Variants in GRM7 observed in about 807,000 individuals in gnomAD.
GRM7 encodes the protein glutamate metabotropic receptor 7, also known as metabotropic glutamate receptor 7.
A neutral mutation model predicts 84.5 loss-of-function variants in GRM7; 35 were observed. That is an observed-to-expected ratio of 0.41 (90% CI 0.32 to 0.55). The LOEUF (loss-of-function observed/expected upper bound fraction) is 0.55, where lower values mean the gene tolerates loss of function less well. Among genes scored for constraint, GRM7 ranks in the 20% least tolerant of loss-of-function variants. GRM7 has a pLI of 0.19. For missense variants in GRM7, 1,003 were observed against 1,194.6 expected, an observed-to-expected ratio of 0.84 and a Z score of 2.36; for synonymous variants, 487 against 455.1, an observed-to-expected ratio of 1.07 and a Z score of -0.89.
chr3:7,536,261 T>A (rs1434806760), intron 7 of GRM7, among the ~76,000 whole-genome samples: 1 of 152,136 alleles, frequency 6.6e-6, no homozygotes, highest in Non-Finnish European at 1.5e-5. Flanking sequence ...GGTAAGATAA[T>A]GAACAACAGA....
At chr3:6,987,940 C>A (rs1482395141) in intron 1 of GRM7, among the ~76,000 whole-genome samples, 2 of 150,980 alleles carry the variant, frequency 1.3e-5, no homozygotes, top group Non-Finnish European at 2.9e-5. Context: ...AGACTCTCTG[C>A]ATGAACTGTC....
chr3:7,185,768 A>T (rs567585197), intron 2 of GRM7, among the ~76,000 whole-genome samples: 1 of 152,186 alleles, frequency 6.6e-6, no homozygotes, highest in Non-Finnish European at 1.5e-5. Flanking sequence ...CAAACTGTTG[A>T]GGAGATTCTG....
chr3:7,207,717 G>A (rs1011290833), intron 2 of GRM7, among the ~76,000 whole-genome samples: 25 of 152,218 alleles, frequency 1.6e-4, no homozygotes, highest in Non-Finnish European at 3.1e-4. Context: ...TGTGTAGGAT[G>A]TGAGACTCTG....
chr3:7,320,282 C>A (rs563942535), intron 4 of GRM7, among the ~76,000 whole-genome samples: 70 of 151,822 alleles, frequency 4.6e-4, no homozygotes, highest in Non-Finnish European at 8.8e-4. Context: ...GCATACAAAT[C>A]TATTTAATAA....
chr3:7,642,406 A>C (rs1313995725), intron 8 of GRM7, among the ~76,000 whole-genome samples: 1 of 152,228 alleles, frequency 6.6e-6, no homozygotes, highest in African/African-American at 2.4e-5. Context: ...GAAATATTTC[A>C]ACTATTCTCA....
At chr3:7,393,980 A>G (rs1432449431) in intron 4 of GRM7, among the ~76,000 whole-genome samples, 1 of 152,178 alleles carries the variant, frequency 6.6e-6, no homozygotes, top group African/African-American at 2.4e-5. Flanking sequence ...GGCACTCTGT[A>G]TGTATTTTAC....
At chr3:7,312,936 C>CTTTTTT (rs372557190) in intron 4 of GRM7, among the ~76,000 whole-genome samples, 4 of 127,248 alleles carry the variant, frequency 3.1e-5, no homozygotes, top group Admixed American at 8.0e-5. Flanking sequence ...TTCTTTTTTT[C>CTTTTTT]TTTTTTTTTT....
Position 7,610,206 on chromosome 3 carries a change from T to G in GRM7, c.2451+30849T>G, listed in dbSNP as rs1275580497. Among the ~76,000 whole-genome samples the G allele has an allele frequency of 2.0e-5, 3 of 152,312 alleles. 1 individual carries two copies. In the East Asian group the frequency reaches 5.8e-4, roughly 29 times the overall value. ...CTACAGCAGCATAGGACTTTAATCC[T>G]TAGCGGTCCAGTTATCTCTTGGAAT... On this transcript the variant is annotated intron_variant, in intron 8 of 9. Coordinates refer to ENST00000357716, the MANE Select transcript of GRM7 (RefSeq NM_000844.4).
intron 8 of GRM7, among the ~76,000 whole-genome samples, chr3:7,638,007 T>C (rs1443285594): frequency 6.6e-6 from 1 of 152,186 alleles, no homozygotes; most frequent in Admixed American, 6.5e-5. Context: ...AGTTCTATAA[T>C]TTCTATAATT....
chr3:7,572,953 G>A (rs1694779594), intron 7 of GRM7, among the ~76,000 whole-genome samples: 1 of 144,250 alleles, frequency 6.9e-6, no homozygotes, highest in Admixed American at 7.1e-5. Flanking sequence ...TATAAGTTTT[G>A]AATAAGTGGA....
chr3:7,249,605 A>T (rs1426057443), intron 2 of GRM7, among the ~76,000 whole-genome samples: 1 of 152,252 alleles, frequency 6.6e-6, no homozygotes, highest in African/African-American at 2.4e-5. Flanking sequence ...AAGTAAAAAG[A>T]GCATGACTAA....
At chr3:7,707,629 T>G (rs1701430978) in intron 9 of GRM7, among the ~76,000 whole-genome samples, 1 of 152,184 alleles carries the variant, frequency 6.6e-6, no homozygotes, top group South Asian at 2.1e-4. Flanking sequence ...AAATACTATT[T>G]ACAAAACACC....
intron 5 of GRM7, among the ~76,000 whole-genome samples, chr3:7,439,741 A>C (rs1697209622): frequency 1.3e-5 from 2 of 152,218 alleles, no homozygotes; most frequent in South Asian, 4.1e-4. Context: ...ACTTCTGCTT[A>C]ATAGAGCCCT....
At chr3:7,460,702 T>C (rs566771247) in intron 6 of GRM7, among the ~76,000 whole-genome samples, 1 of 152,294 alleles carries the variant, frequency 6.6e-6, no homozygotes, top group East Asian at 1.9e-4. Flanking sequence ...TTGTGATTCG[T>C]TTGTAACTAT....
intron 2 of GRM7, among the ~76,000 whole-genome samples, chr3:7,231,604 C>G (rs1017228401): frequency 6.6e-6 from 1 of 152,152 alleles, no homozygotes; most frequent in Non-Finnish European, 1.5e-5. Flanking sequence ...ATCAAAACAG[C>G]TGGCATTTAC....
Position 7,379,200 on chromosome 3 carries a change from G to C in GRM7, c.1034-35823G>C, listed in dbSNP as rs562228849. Among the ~76,000 whole-genome samples, 19 of 152,222 alleles carry C rather than the reference G, an allele frequency of 1.2e-4. No homozygotes were observed. The East Asian group carries it at 3.7e-3, about 29-fold the overall frequency. On this transcript the variant is annotated intron_variant, in intron 4 of 9. Transcript: ENST00000357716. ...CAATTCTCCTGCCTTAGTCTCCCAA[G>C]TAGCTGTAACTATAGGCACCTACGG...
chr3:7,498,644 AC>A (rs1162122404), intron 7 of GRM7, among the ~76,000 whole-genome samples: 37 of 152,290 alleles, frequency 2.4e-4, no homozygotes, highest in African/African-American at 8.7e-4. Context: ...AGTGTGTGTG[AC>A]CAGCAGTAGA....
intron 7 of GRM7, among the ~76,000 whole-genome samples, chr3:7,480,401 T>G (rs1363611711): frequency 6.6e-6 from 1 of 152,152 alleles, no homozygotes; most frequent in Middle Eastern, 3.2e-3. Context: ...GGAAAGTTAG[T>G]TATATGTAAA....
At position 7,482,137 on chromosome 3, in the gene GRM7, G is replaced by A. The variant is rs190914568; in HGVS notation, c.1515+20415G>A. ...CAGGAGGCGGAGGTTGCAGTGAGCC[G>A]AGATGGCACCACTGCACTCCAGCCT... On this transcript the variant is annotated intron_variant, in intron 7 of 9. Coordinates refer to ENST00000357716, the MANE Select transcript of GRM7 (RefSeq NM_000844.4). 3.0e-3 allele frequency among the ~76,000 whole-genome samples: 464 copies of A among 152,218 alleles called. 4 individuals are homozygous for A. Among genetic ancestry groups the A allele is most frequent in the Non-Finnish European group, 4.7e-3 (320 of 68,012 alleles).
Sources: gnomAD v4.1 joint callset for allele counts (sites outside exome capture counted in the v4.1 genomes callset) on GRCh38, gnomAD v4.1.1 for gene constraint, MANE v1.5 for transcripts, NCBI Gene and HGNC (gene_info 2026-07-23, HGNC 2026-07-21) for gene names.